Variants in CYSTM1 observed in about 807,000 individuals in gnomAD.
The protein encoded by CYSTM1 is cysteine rich transmembrane module containing 1.
A neutral mutation model predicts 13.1 loss-of-function variants in CYSTM1; 4 were observed. That is an observed-to-expected ratio of 0.31 (90% CI 0.15 to 0.70). CYSTM1 has a LOEUF of 0.70. Among genes scored for constraint, CYSTM1 ranks in the 30% least tolerant of loss-of-function variants. The pLI is 0.72. For missense variants in CYSTM1, 96 were observed against 121.6 expected, an observed-to-expected ratio of 0.79 and a Z score of 0.99; for synonymous variants, 36 against 42.7, an observed-to-expected ratio of 0.84 and a Z score of 0.62.
In CYSTM1 at chr5:140,230,312, A is replaced by T. The variant is rs530372724; in HGVS notation, c.188-12993A>T. ...TCACTGCCTGATGTGCTAGAAGCCA[A>T]TTCCATGACACTGGGTTTTTGAGAA... is the stretch of plus-strand genomic sequence containing the variant. On this transcript the variant is annotated intron_variant, in intron 2 of 2. Coordinates refer to ENST00000261811, the MANE Select transcript of CYSTM1 (RefSeq NM_032412.4). The surrounding 1 kb of genome is among the most constrained non-coding windows in gnomAD (Gnocchi z 4.1). Among the ~76,000 whole-genome samples the T allele has an allele frequency of 6.6e-6, 1 of 152,348 alleles. No homozygotes were observed. The highest frequency in any genetic ancestry group is 2.4e-5 in the African/African-American group (1 of 41,578).
At chr5:140,223,855 A>G (rs926351470) in intron 2 of CYSTM1, among the ~76,000 whole-genome samples, 1 of 152,174 alleles carries the variant, frequency 6.6e-6, no homozygotes, top group Non-Finnish European at 1.5e-5. Context: ...GGTTGTTCAA[A>G]GGGTATGCAG....
chr5:140,226,684 T>C (rs556471008), intron 2 of CYSTM1, among the ~76,000 whole-genome samples: 297 of 139,964 alleles, frequency 2.1e-3, no homozygotes, highest in African/African-American at 7.5e-3. Context: ...GATAATCACT[T>C]GAACCTGGGA....
chr5:140,183,838 C>G (rs1024235312), intron 1 of CYSTM1, among the ~76,000 whole-genome samples: 3 of 152,274 alleles, frequency 2.0e-5, no homozygotes, highest in African/African-American at 7.2e-5. Context: ...TGAGGTTAGC[C>G]TGGAACCCAC....
At chr5:140,242,786 G>A (rs1000019228) in intron 2 of CYSTM1, among the ~76,000 whole-genome samples, 4 of 152,172 alleles carry the variant, frequency 2.6e-5, no homozygotes, top group African/African-American at 7.2e-5. Context: ...TTCCTTCATC[G>A]TTTATGTCAA....
chr5:140,197,762 G>A (rs1191580465), intron 2 of CYSTM1, among the ~76,000 whole-genome samples: 1 of 150,826 alleles, frequency 6.6e-6, no homozygotes, highest in African/African-American at 2.4e-5. Flanking sequence ...AAGTTCAAGT[G>A]TGTGGCATAT....
intron 2 of CYSTM1, among the ~76,000 whole-genome samples, chr5:140,238,476 C>T (rs1764710406): frequency 6.6e-6 from 1 of 152,208 alleles, no homozygotes; most frequent in African/African-American, 2.4e-5. Flanking sequence ...CTATCACTCT[C>T]CCACTCAGCA....
At chr5:140,234,606 G>A (rs1422789375) in intron 2 of CYSTM1, among the ~76,000 whole-genome samples, 1 of 152,198 alleles carries the variant, frequency 6.6e-6, no homozygotes, top group Non-Finnish European at 1.5e-5. Context: ...CACAGTTAAA[G>A]CCCCTAGTGT....
At chr5:140,226,533 T>A (rs1490078789) in intron 2 of CYSTM1, among the ~76,000 whole-genome samples, 20 of 121,888 alleles carry the variant, frequency 1.6e-4, no homozygotes, top group African/African-American at 6.3e-4. Flanking sequence ...ATAATATATT[T>A]ATATATATTA....
intron 1 of CYSTM1, among the ~76,000 whole-genome samples, chr5:140,187,171 C>CT (rs76385156): frequency 1.2e-4 from 18 of 146,044 alleles, no homozygotes; most frequent in South Asian, 2.2e-4. Context: ...AATTCTAAAA[C>CT]TTTTTTTTTT....
chr5:140,230,415 A>G lies in CYSTM1; in HGVS notation c.188-12890A>G, dbSNP rs1764606375. On this transcript the variant is annotated intron_variant, in intron 2 of 2. Transcript: ENST00000261811. This position sits in a 1 kb window ranked among gnomAD's most constrained non-coding sequence, Gnocchi z 4.1. Reference sequence around the variant, plus strand: ...TGTCTCCCTGTCCTGGCTTTAAGGCAGTAATTTTATTAGAAAAGGTTAGAG... The same window carrying G: ...TGTCTCCCTGTCCTGGCTTTAAGGCGGTAATTTTATTAGAAAAGGTTAGAG... Among the ~76,000 whole-genome samples the G allele has an allele frequency of 6.6e-6, 1 of 152,230 alleles. No individual in the cohort carries two copies.
chr5:140,209,047 A>G (rs548370777), intron 2 of CYSTM1, among the ~76,000 whole-genome samples: 2 of 152,006 alleles, frequency 1.3e-5, no homozygotes, highest in Admixed American at 6.5e-5. Flanking sequence ...TCAAAAAAAA[A>G]AAAAAAGAAT....
At chr5:140,181,739 AGCCACTGCACCTGCAAGAGCCACGGGG>A (rs1763964416) in intron 1 of CYSTM1, among the ~76,000 whole-genome samples, 2 of 152,182 alleles carry the variant, frequency 1.3e-5, no homozygotes, top group African/African-American at 2.4e-5. Context: ...CTGCTGCATG[AGCCACTGCACCTGCAAGAGCCACGGGG>A]GCCACTGCCA....
At position 140,243,480 on chromosome 5, in the gene CYSTM1, C is replaced by G. The variant is rs1764778516; in HGVS notation, c.*69C>G. 7.6e-7 allele frequency: 1 copy of G among 1,323,908 alleles called. No homozygotes were observed. Among genetic ancestry groups the G allele is most frequent in the African/African-American group, 1.5e-5 (1 of 68,928 alleles). The allele number at this position is 1,323,908 out of a possible 1,614,324, so 82.0% of individuals were successfully genotyped here. A position where few individuals can be genotyped will look rare whatever the true frequency, so the allele number is the denominator to read the frequency against. ...CTCTGACAGGTGTGCCTGCCCCCAT[C>G]TCTTCTGATTGCTGTTAACAAATGA... On this transcript the variant is annotated 3_prime_UTR_variant, in exon 3 of 3. Transcript: ENST00000261811.
At chr5:140,192,180 C>G (rs563662555) in intron 1 of CYSTM1, among the ~76,000 whole-genome samples, 1 of 152,178 alleles carries the variant, frequency 6.6e-6, no homozygotes, top group South Asian at 2.1e-4. Context: ...TCAAATGACA[C>G]TCTCTTGATC....
intron 2 of CYSTM1, among the ~76,000 whole-genome samples, chr5:140,225,302 G>A (rs1306076353): frequency 6.6e-6 from 1 of 152,262 alleles, no homozygotes; most frequent in Non-Finnish European, 1.5e-5. Flanking sequence ...GGTGTAGGCA[G>A]ATACAGGTGA....
chr5:140,226,586 T>TTATATATA (rs549334525), intron 2 of CYSTM1, among the ~76,000 whole-genome samples: 35 of 75,278 alleles, frequency 4.6e-4, no homozygotes, highest in African/African-American at 1.3e-3. Flanking sequence ...ATACTAAATA[T>TTATATATA]TATATATATA....
intron 2 of CYSTM1, among the ~76,000 whole-genome samples, chr5:140,229,343 C>T (rs760441590): frequency 1.1e-4 from 17 of 150,638 alleles, no homozygotes; most frequent in East Asian, 2.0e-4. Context: ...TACAGGCACG[C>T]GCCACCATAC....
chr5:140,201,488 C>T (rs1006919124), intron 2 of CYSTM1: 4 of 152,232 alleles, frequency 2.6e-5, no homozygotes, highest in African/African-American at 9.7e-5. Context: ...CTACCCTACA[C>T]ATCTCTGGCG....
intron 2 of CYSTM1, among the ~76,000 whole-genome samples, chr5:140,235,572 A>AT (rs1338360624): frequency 6.6e-6 from 1 of 151,772 alleles, no homozygotes; most frequent in African/African-American, 2.4e-5. Flanking sequence ...TGTCTGGCTA[A>AT]TTTTTTGTAT....
Sources: allele counts gnomAD v4.1 joint callset (sites outside exome capture counted in the v4.1 genomes callset), GRCh38; gene constraint gnomAD v4.1.1; non-coding constraint Gnocchi (gnomAD v3.1); transcripts MANE v1.5; gene names NCBI Gene and HGNC (gene_info 2026-07-23, HGNC 2026-07-21).